Variants in CFAP54 observed in about 807,000 individuals in gnomAD.
The protein encoded by CFAP54 is cilia and flagella associated protein 54, also known as cilia- and flagella-associated protein 54.
In CFAP54, 290 loss-of-function variants were observed where a neutral mutation model predicts 370.4. The ratio of observed to expected loss-of-function variants is 0.78; its 90% confidence interval spans 0.71 to 0.86. The LOEUF is 0.86. CFAP54 is among the 40% of genes least tolerant of loss of function. The pLI is 0.00. For missense variants in CFAP54, 3,399 were observed against 3,528.7 expected, an observed-to-expected ratio of 0.96 and a Z score of 0.93; for synonymous variants, 1,206 against 1,236.5, an observed-to-expected ratio of 0.98 and a Z score of 0.52.
At chr12:96,728,791 T>C (rs947987742) in intron 50 of CFAP54, among the ~76,000 whole-genome samples, 1 of 152,162 alleles carries the variant, frequency 6.6e-6, no homozygotes, top group Non-Finnish European at 1.5e-5. Flanking sequence ...CTCTGTTTTT[T>C]CCCCATCTTT....
chr12:96,497,065 A>G (rs1382236329), intron 1 of CFAP54, among the ~76,000 whole-genome samples: 2 of 152,146 alleles, frequency 1.3e-5, no homozygotes, highest in Non-Finnish European at 2.9e-5. Context: ...CTTTCAGCAG[A>G]TATTTATTGA....
intron 6 of CFAP54, among the ~76,000 whole-genome samples, chr12:96,519,445 C>G (rs73235055): frequency 1.9e-4 from 29 of 152,080 alleles, no homozygotes; most frequent in East Asian, 1.9e-4. Context: ...TCCTTAGATG[C>G]CTGCCAGGGG....
intron 36 of CFAP54, among the ~76,000 whole-genome samples, chr12:96,653,947 T>A (rs1386887609): frequency 6.6e-6 from 1 of 152,092 alleles, no homozygotes; most frequent in African/African-American, 2.4e-5. Flanking sequence ...ATCCTATAGA[T>A]ATTAAAAAAG....
chr12:96,874,036 A>C (rs1479810167), intron 67 of CFAP54, among the ~76,000 whole-genome samples: 5 of 152,190 alleles, frequency 3.3e-5, no homozygotes, highest in Non-Finnish European at 7.4e-5. Context: ...TACCATTTAT[A>C]TGCCAAAATC....
At chr12:96,561,249 TAGTG>T (rs1310977941) in intron 17 of CFAP54, among the ~76,000 whole-genome samples, 1 of 152,182 alleles carries the variant, frequency 6.6e-6, no homozygotes, top group Non-Finnish European at 1.5e-5. Context: ...GTTCTCATGA[TAGTG>T]AGTAAGTCTC....
At chr12:96,549,911 C>T (rs1367608894) in intron 15 of CFAP54, among the ~76,000 whole-genome samples, 5 of 152,240 alleles carry the variant, frequency 3.3e-5, no homozygotes, top group African/African-American at 1.2e-4. Flanking sequence ...CATAAGTTCA[C>T]CCAGCAGAGT....
intron 42 of CFAP54, among the ~76,000 whole-genome samples, chr12:96,687,055 G>T (rs997838254): frequency 2.0e-5 from 3 of 152,046 alleles, no homozygotes; most frequent in Non-Finnish European, 4.4e-5. Flanking sequence ...ATTCCTTGGC[G>T]CATGGCCCCA....
At chr12:96,767,873 C>CA (rs1199805603) in intron 60 of CFAP54, among the ~76,000 whole-genome samples, 1 of 152,166 alleles carries the variant, frequency 6.6e-6, no homozygotes, top group African/African-American at 2.4e-5. Flanking sequence ...AGGTGATGAA[C>CA]AACATTTACT....
At chr12:96,596,217 C>G (rs1285130376) in intron 25 of CFAP54, among the ~76,000 whole-genome samples, 1 of 152,150 alleles carries the variant, frequency 6.6e-6, no homozygotes, top group Non-Finnish European at 1.5e-5. Context: ...AAAGATACCA[C>G]ATTGGGAACA....
chr12:96,809,059 A>G (rs765480038), intron 63 of CFAP54, among the ~76,000 whole-genome samples: 31 of 152,298 alleles, frequency 2.0e-4, no homozygotes, highest in Non-Finnish European at 3.4e-4. Flanking sequence ...ATTGCTGTTG[A>G]GAAGTCTGAT....
At position 96,538,506 on chromosome 12, in the gene CFAP54, C is replaced by G; in HGVS notation, c.1914C>G (p.Ile638Met). The change falls in exon 13 of 68, where the codon ATC (isoleucine) becomes ATG (methionine). Residue 638 changes from isoleucine (I) to methionine (M), a missense_variant. Coordinates refer to ENST00000524981, the MANE Select transcript of CFAP54 (RefSeq NM_001306084.2). ...ACTATGCAAAATTCACCCAGAAAAT[C>G]AGTACTAACAAAGTATTCCTTTCGC... The part of the protein sequence containing the change: ...RNDYAKFTQK[I>M]STNKWIYLLW... 4 of 1,536,106 alleles carry G rather than the reference C, an allele frequency of 2.6e-6. No homozygotes were observed. Among genetic ancestry groups the G allele is most frequent in the Non-Finnish European group, 3.5e-6 (4 of 1,146,832 alleles).
At chr12:96,493,747 A>G (rs1471271969) in intron 1 of CFAP54, among the ~76,000 whole-genome samples, 3 of 152,204 alleles carry the variant, frequency 2.0e-5, no homozygotes, top group African/African-American at 7.2e-5. Context: ...GCATTGAGCC[A>G]AGATCGCGCC....
intron 26 of CFAP54, among the ~76,000 whole-genome samples, chr12:96,615,045 C>A (rs1956400231): frequency 6.6e-6 from 1 of 152,192 alleles, no homozygotes; most frequent in African/African-American, 2.4e-5. Context: ...AAAGAGCCTG[C>A]ATTGCCAAGA....
Position 96,500,291 on chromosome 12 carries a change from T to G in CFAP54, c.318-543T>G, listed in dbSNP as rs572366141. On this transcript the variant is annotated intron_variant, in intron 1 of 67. Transcript: ENST00000524981. ...TAAAAATATCAGTGGTTAACAGAGATTAAGCGGGAAAGGAGGGATGAATAA... is the reference window on the plus strand; with the variant it reads ...TAAAAATATCAGTGGTTAACAGAGAGTAAGCGGGAAAGGAGGGATGAATAA... Among the ~76,000 whole-genome samples the G allele has an allele frequency of 4.6e-5, 7 of 152,236 alleles. No homozygotes were observed. The South Asian group carries it at 1.5e-3, about 32-fold the overall frequency.
At chr12:96,585,037 CTCTT>C (rs1333903254) in intron 22 of CFAP54, among the ~76,000 whole-genome samples, 94 of 60,062 alleles carry the variant, frequency 1.6e-3, no homozygotes, top group Middle Eastern at 0.01. Flanking sequence ...CTCTCTCTCT[CTCTT>C]TTTTTTTTTT....
intron 64 of CFAP54, among the ~76,000 whole-genome samples, chr12:96,813,147 A>G (rs150460492): frequency 6.6e-5 from 10 of 152,328 alleles, no homozygotes; most frequent in African/African-American, 2.2e-4. Flanking sequence ...GTAGAAAGTC[A>G]TCAAACTGAT....
chr12:96,774,421 G>C (rs567342069), intron 60 of CFAP54, among the ~76,000 whole-genome samples: 69 of 152,266 alleles, frequency 4.5e-4, no homozygotes, highest in African/African-American at 1.6e-3. Flanking sequence ...AATATGTAAA[G>C]TGTGACAAGC....
In CFAP54 at chr12:96,630,625, T is replaced by C; in HGVS notation, c.4290T>C (p.Ala1430=). ...TLRDFIFKNP[A]ISEMVAHERN... is the part of the protein sequence containing the mutation. ...GAGATTTCATTTTTAAAAATCCGGC[T>C]ATTTCTGAAATGGTGGCACATGAAA... Residue 1430 remains alanine, a synonymous_variant, in exon 32 of 68, where the codon GCT becomes GCC. Transcript: ENST00000524981. The C allele has an allele frequency of 6.7e-7, 1 of 1,499,272 alleles. No individual in the cohort carries two copies. Among genetic ancestry groups the C allele is most frequent in the Non-Finnish European group, 8.8e-7 (1 of 1,130,732 alleles). The allele number at this position is 1,499,272 out of a possible 1,614,324, so 92.9% of individuals were successfully genotyped here. A position where few individuals can be genotyped will look rare whatever the true frequency, so the allele number is the denominator to read the frequency against.
chr12:96,825,722 ATATAT>A (rs1186746541), intron 65 of CFAP54, among the ~76,000 whole-genome samples: 35 of 124,856 alleles, frequency 2.8e-4, no homozygotes, highest in African/African-American at 4.1e-4. Context: ...AGATTATATA[ATATAT>A]TATATAAATA....
Sources: gnomAD v4.1 joint callset for allele counts (sites outside exome capture counted in the v4.1 genomes callset) on GRCh38, gnomAD v4.1.1 for gene constraint, MANE v1.5 for transcripts, NCBI Gene and HGNC (gene_info 2026-07-23, HGNC 2026-07-21) for gene names.